The following VPS35L variants were observed in gnomAD, a reference collection of about 807,000 sequenced individuals.
VPS35L encodes VPS35 endosomal protein sorting factor like.
VPS35L carries 83 observed loss-of-function variants against 133.0 expected under a neutral mutation model. That is an observed-to-expected ratio of 0.62 (90% confidence interval 0.52 to 0.75). The LOEUF is 0.75. VPS35L is among the 30% of genes least tolerant of loss of function. VPS35L has a pLI of 0.00. For synonymous variants in VPS35L, 423 were observed against 449.9 expected, an observed-to-expected ratio of 0.94 and a Z score of 0.76; for missense variants, 1,083 against 1,206.8, an observed-to-expected ratio of 0.90 and a Z score of 1.52.
At chr16:19,628,493 G>A (rs964015918) in intron 16 of VPS35L, 144 bp from the exon 17 acceptor site, 2 of 511,832 alleles carry the variant, frequency 3.9e-6, no homozygotes, top group African/African-American at 3.9e-5. Flanking sequence ...GCAGATATGT[G>A]TGATAGAACT....
intron 22 of VPS35L, among the ~76,000 whole-genome samples, chr16:19,643,664 G>A (rs970837004): frequency 6.6e-6 from 1 of 152,066 alleles, no homozygotes; most frequent in Admixed American, 6.6e-5. Context: ...AACAAAGTGG[G>A]GCTGGGCATG....
intron 28 of VPS35L, among the ~76,000 whole-genome samples, chr16:19,683,134 G>T (rs897571295): frequency 6.6e-6 from 1 of 151,780 alleles, no homozygotes. Flanking sequence ...ACCATGTTAC[G>T]CTGGTCTCAA....
intron 1 of VPS35L, among the ~76,000 whole-genome samples, chr16:19,561,560 G>C (rs762701953): frequency 1.2e-4 from 19 of 152,068 alleles, no homozygotes; most frequent in Non-Finnish European, 2.5e-4. Flanking sequence ...CTAGTTGCAC[G>C]GCACAATTAG....
intron 2 of VPS35L, 146 bp downstream of exon 2, chr16:19,565,096 C>CA (rs1284373537): frequency 3.5e-6 from 2 of 563,954 alleles, no homozygotes; most frequent in Non-Finnish European, 6.1e-6. Flanking sequence ...CTCTGTCGCC[C>CA]AGGCTGGAGT....
intron 7 of VPS35L, among the ~76,000 whole-genome samples, chr16:19,586,815 T>A (rs1218416550): frequency 6.6e-6 from 1 of 152,248 alleles, no homozygotes; most frequent in Admixed American, 6.5e-5. Context: ...GAATTACTTT[T>A]TATATATCCT....
At chr16:19,642,312 G>A (rs2151578931) in intron 21 of VPS35L, 84 bp from the exon 22 acceptor site, 3 of 1,182,956 alleles carry the variant, frequency 2.5e-6, no homozygotes, top group Middle Eastern at 1.9e-4. Context: ...CTTTTCAAGT[G>A]TGTACAGTGG....
At chr16:19,655,690 A>G (rs1974275416) in intron 26 of VPS35L, among the ~76,000 whole-genome samples, 1 of 152,338 alleles carries the variant, frequency 6.6e-6, no homozygotes. Flanking sequence ...TGGATTGTGC[A>G]GGGATTTGGC....
intron 29 of VPS35L, among the ~76,000 whole-genome samples, chr16:19,691,975 G>T (rs926554278): frequency 6.6e-6 from 1 of 151,548 alleles, no homozygotes; most frequent in African/African-American, 2.4e-5. Context: ...CCCGGGTTCA[G>T]GCGATTCTCC....
At chr16:19,569,627 T>A in intron 3 of VPS35L, 36 bp downstream of exon 3, 1 of 1,504,796 alleles carries the variant, frequency 6.6e-7, no homozygotes, top group Non-Finnish European at 8.9e-7. Flanking sequence ...CAGTGGGGGT[T>A]GGTTTTGTGG....
intron 11 of VPS35L, 66 bp from the exon 12 acceptor site, chr16:19,610,256 T>C: frequency 1.5e-6 from 2 of 1,360,830 alleles, no homozygotes; most frequent in Non-Finnish European, 2.1e-6. Context: ...TATCTTTATT[T>C]AAAAAATTAA....
At chr16:19,683,170 G>T (rs553386279) in intron 28 of VPS35L, among the ~76,000 whole-genome samples, 1 of 152,108 alleles carries the variant, frequency 6.6e-6, no homozygotes, top group African/African-American at 2.4e-5. Flanking sequence ...TAATCTACCC[G>T]TCTCAGCCTC....
chr16:19,594,690 C>T (rs8047403), intron 8 of VPS35L, among the ~76,000 whole-genome samples: 3,589 of 144,224 alleles, frequency 0.025, 172 homozygotes, highest in African/African-American at 0.087. Context: ...AAAAAATCCT[C>T]GCCTTTGTGG....
intron 20 of VPS35L, among the ~76,000 whole-genome samples, chr16:19,638,547 T>G (rs2151575601): frequency 6.6e-6 from 1 of 152,304 alleles, no homozygotes; most frequent in East Asian, 1.9e-4. Context: ...CAACAATAGC[T>G]AAAATAGAAC....
chr16:19,624,867 A>G (rs1328135351), intron 14 of VPS35L, among the ~76,000 whole-genome samples: 1 of 152,158 alleles, frequency 6.6e-6, no homozygotes, highest in East Asian at 1.9e-4. Flanking sequence ...GTGAAGAGTA[A>G]GAGAGTAAAG....
Position 19,629,840 on chromosome 16 carries a change from T to G in VPS35L, c.1554+20T>G, listed in dbSNP as rs376441097. ...TTCACGGTATGTGTGACTGTGGTAT[T>G]GTTTTTGAAAGAATTAGATTTTTTC... On this transcript the variant is annotated intron_variant, in intron 18 of 30. Transcript: ENST00000417362. 10 of 1,610,644 alleles carry G rather than the reference T, an allele frequency of 6.2e-6. No individual in the cohort carries two copies. The highest frequency in any genetic ancestry group is 7.6e-6 in the Non-Finnish European group (9 of 1,176,996).
At position 19,642,456 on chromosome 16, in the gene VPS35L, G is replaced by A. The variant is rs771456622; in HGVS notation, c.1845G>A (p.Lys615=). ...VILNALLHVC[K]TMHDSVNALT... ...TGAATGCCCTTTTGCATGTTTGCAA[G>A]ACCATGCATGACTCTGTGAAGTAAG... Residue 615 remains lysine, a synonymous_variant, in exon 22 of 31, where the codon AAG becomes AAA. Transcript: ENST00000417362. 2 of 1,613,236 alleles carry A rather than the reference G, an allele frequency of 1.2e-6. No homozygotes were observed. Among genetic ancestry groups the A allele is most frequent in the South Asian group, 2.2e-5 (2 of 91,022 alleles).
chr16:19,561,625 G>C (rs1319297268), intron 1 of VPS35L, among the ~76,000 whole-genome samples: 1 of 152,140 alleles, frequency 6.6e-6, no homozygotes, highest in Admixed American at 6.6e-5. Flanking sequence ...ATCTAAATGG[G>C]AGCAGAAGAT....
At chr16:19,637,920 C>T (rs1019076144) in intron 20 of VPS35L, among the ~76,000 whole-genome samples, 3 of 152,178 alleles carry the variant, frequency 2.0e-5, no homozygotes, top group African/African-American at 7.2e-5. Flanking sequence ...GGGCATTACA[C>T]AACTTCTCAA....
chr16:19,598,294 G>C (rs955216810), intron 8 of VPS35L, among the ~76,000 whole-genome samples: 3 of 152,196 alleles, frequency 2.0e-5, no homozygotes, highest in African/African-American at 4.8e-5. Context: ...TTGGCACAAA[G>C]TAAGTGCTCA....
Sources: gnomAD v4.1 joint callset for allele counts (sites outside exome capture counted in the v4.1 genomes callset) on GRCh38, gnomAD v4.1.1 for gene constraint, MANE v1.5 for transcripts, NCBI Gene and HGNC (gene_info 2026-07-23, HGNC 2026-07-21) for gene names.